ERBB4: variants seen among roughly 807,000 people sequenced by gnomAD.
ERBB4 encodes the protein erb-b2 receptor tyrosine kinase 4.
ERBB4 carries 42 observed loss-of-function variants against 158.0 expected under a neutral mutation model. The observed-to-expected ratio is 0.27, with a 90% CI of 0.21 to 0.34. The LOEUF is 0.34. Ranked by LOEUF, ERBB4 falls within the 10% of genes least tolerant of loss-of-function variation. ERBB4 has a pLI of 1.00. For synonymous variants in ERBB4, 583 were observed against 558.7 expected, an observed-to-expected ratio of 1.04 and a Z score of -0.61; for missense variants, 1,333 against 1,624.1, an observed-to-expected ratio of 0.82 and a Z score of 3.08.
chr2:211,702,881 C>T (rs1425270207), intron 11 of ERBB4, among the ~76,000 whole-genome samples: 1 of 151,938 alleles, frequency 6.6e-6, no homozygotes, highest in Non-Finnish European at 1.5e-5. Context: ...ATTGAAAAAT[C>T]GAGGAAACTA....
intron 1 of ERBB4, among the ~76,000 whole-genome samples, chr2:212,215,776 C>T (rs1418330127): frequency 3.3e-5 from 5 of 151,334 alleles, no homozygotes; most frequent in South Asian, 2.1e-4. Flanking sequence ...AATTATCTAA[C>T]ATTTAAAATC....
At chr2:212,003,212 A>AGAAGGAAGGAAGGAAGGAAGGAAG (rs201981636) in intron 2 of ERBB4, among the ~76,000 whole-genome samples, 5 of 40,484 alleles carry the variant, frequency 1.2e-4, no homozygotes, top group African/African-American at 3.2e-4. Context: ...AAAGACAGAA[A>AGAAGGAAGGAAGGAAGGAAGGAAG]GAAGGAAGGA....
chr2:212,282,409 T>C (rs137932326), intron 1 of ERBB4, among the ~76,000 whole-genome samples: 2 of 151,934 alleles, frequency 1.3e-5, no homozygotes, highest in Non-Finnish European at 2.9e-5. Context: ...TATTTCTCTT[T>C]ATCACAACTG....
chr2:211,788,702 A>C (rs1165297744), intron 3 of ERBB4, among the ~76,000 whole-genome samples: 1 of 152,122 alleles, frequency 6.6e-6, no homozygotes, highest in Non-Finnish European at 1.5e-5. Flanking sequence ...TAGTTTTAAG[A>C]TATTTGGTAT....
intron 1 of ERBB4, among the ~76,000 whole-genome samples, chr2:212,442,212 A>G (rs1182575020): frequency 3.3e-5 from 5 of 152,180 alleles, no homozygotes; most frequent in African/African-American, 1.2e-4. Flanking sequence ...CTTAATTTAT[A>G]TAAGGAGAAA....
chr2:211,936,090 C>T (rs939396326), intron 3 of ERBB4, among the ~76,000 whole-genome samples: 9 of 151,774 alleles, frequency 5.9e-5, no homozygotes, highest in African/African-American at 1.7e-4. Flanking sequence ...TATTTGTATA[C>T]CAGCAGATAT....
chr2:211,468,363 A>G (rs2064748149), intron 20 of ERBB4, among the ~76,000 whole-genome samples: 1 of 152,168 alleles, frequency 6.6e-6, no homozygotes. Context: ...CCTTTATGAA[A>G]GGGAAATAGC....
chr2:212,509,718 C>T (rs1009251294), intron 1 of ERBB4, among the ~76,000 whole-genome samples: 2 of 151,924 alleles, frequency 1.3e-5, no homozygotes, highest in African/African-American at 4.8e-5. Flanking sequence ...TATCACAGAG[C>T]CCCTGCTTCA....
In ERBB4 at chr2:212,462,217, A is replaced by C. The variant is rs561164145; in HGVS notation, c.82+76232T>G. Among the ~76,000 whole-genome samples, 12 of 152,344 alleles carry C rather than the reference A, an allele frequency of 7.9e-5. No individual in the cohort carries two copies. The South Asian group carries it at 2.5e-3, about 32-fold the overall frequency. On this transcript the variant is annotated intron_variant, in intron 1 of 27. Transcript: ENST00000342788. ...GGTCTGGGCAAAGATTTTATAGTTA[A>C]GCTCTTAAAGCAGAGGCAACAAAAG...
chr2:212,309,361 T>C (rs1326317302), intron 1 of ERBB4, among the ~76,000 whole-genome samples: 1 of 150,910 alleles, frequency 6.6e-6, no homozygotes. Context: ...CACCAAATAT[T>C]CATTGAATAC....
chr2:211,859,968 A>G (rs1269012546), intron 3 of ERBB4, among the ~76,000 whole-genome samples: 2 of 152,222 alleles, frequency 1.3e-5, no homozygotes, highest in Admixed American at 1.3e-4. Flanking sequence ...TAAAACAAAG[A>G]AAAATTGTTA....
intron 1 of ERBB4, among the ~76,000 whole-genome samples, chr2:212,415,959 A>G (rs2091639970): frequency 6.6e-6 from 1 of 152,126 alleles, no homozygotes; most frequent in South Asian, 2.1e-4. Flanking sequence ...TGCAAAATAA[A>G]AACATGAAGC....
intron 1 of ERBB4, among the ~76,000 whole-genome samples, chr2:212,500,535 C>T (rs1038909406): frequency 6.6e-6 from 1 of 151,788 alleles, no homozygotes; most frequent in Non-Finnish European, 1.5e-5. Context: ...TTTGTTGACT[C>T]ACCCATTTCT....
intron 19 of ERBB4, among the ~76,000 whole-genome samples, chr2:211,563,305 C>G (rs773120748): frequency 6.6e-6 from 1 of 152,054 alleles, no homozygotes; most frequent in African/African-American, 2.4e-5. Context: ...TCATCTCCTA[C>G]GAAAACAATA....
intron 19 of ERBB4, among the ~76,000 whole-genome samples, chr2:211,590,199 C>G (rs2068417796): frequency 6.6e-6 from 1 of 152,194 alleles, no homozygotes; most frequent in Non-Finnish European, 1.5e-5. Context: ...ACGACTCCAT[C>G]GTGCCTCTAA....
chr2:211,868,277 C>T (rs1187831028), intron 3 of ERBB4, among the ~76,000 whole-genome samples: 1 of 152,144 alleles, frequency 6.6e-6, no homozygotes, highest in African/African-American at 2.4e-5. Context: ...TTTAACCTCA[C>T]AGAAAATGTG....
At chr2:211,795,707 A>G (rs1249633943) in intron 3 of ERBB4, among the ~76,000 whole-genome samples, 1 of 151,808 alleles carries the variant, frequency 6.6e-6, no homozygotes, top group Non-Finnish European at 1.5e-5. Flanking sequence ...GAACAGAGGA[A>G]GAGTACATGT....
chr2:211,763,605 G>C (rs547110110), intron 4 of ERBB4, among the ~76,000 whole-genome samples: 1 of 152,108 alleles, frequency 6.6e-6, no homozygotes, highest in East Asian at 1.9e-4. Flanking sequence ...TTATAATTAT[G>C]GCTGGGGCCA....
intron 1 of ERBB4, among the ~76,000 whole-genome samples, chr2:212,224,612 T>G (rs1439354743): frequency 6.6e-6 from 1 of 151,914 alleles, no homozygotes; most frequent in Non-Finnish European, 1.5e-5. Context: ...CACTAATATC[T>G]TGGCAACAAC....
Sources: allele counts gnomAD v4.1 joint callset (sites outside exome capture counted in the v4.1 genomes callset), GRCh38; gene constraint gnomAD v4.1.1; transcripts MANE v1.5; gene names NCBI Gene and HGNC (gene_info 2026-07-23, HGNC 2026-07-21).